FLNB: variants seen among roughly 807,000 people sequenced by gnomAD.
The protein encoded by FLNB is filamin B.
A neutral mutation model predicts 250.6 loss-of-function variants in FLNB; 111 were observed. That is an observed-to-expected ratio of 0.44 (90% CI 0.38 to 0.52). The LOEUF is 0.52. Ranked by LOEUF, FLNB falls within the 20% of genes least tolerant of loss-of-function variation. The pLI is 0.00. For missense variants in FLNB, 2,869 were observed against 3,447.8 expected (o/e 0.83, Z 4.20); for synonymous variants, 1,302 against 1,372.1 (o/e 0.95, Z 1.13).
intron 42 of FLNB, 47 bp from the exon 43 acceptor site, chr3:58,163,107 G>A (rs760455872): frequency 1.9e-6 from 3 of 1,585,812 alleles, no homozygotes; most frequent in Non-Finnish European, 2.6e-6. Flanking sequence ...GAACTCAGGG[G>A]TGTCCATTTG....
intron 1 of FLNB, among the ~76,000 whole-genome samples, chr3:58,067,604 G>T (rs1444922382): frequency 6.3e-4 from 86 of 137,010 alleles, no homozygotes; most frequent in African/African-American, 1.2e-3. Flanking sequence ...TTTTTTTTTT[G>T]TTTTTTTTTT....
chr3:58,056,102 TTTA>T (rs1258919762), intron 1 of FLNB, among the ~76,000 whole-genome samples: 12 of 130,308 alleles, frequency 9.2e-5, no homozygotes, highest in South Asian at 4.4e-4. Flanking sequence ...TATTTATTTA[TTTA>T]TTTTTTTTTT....
At chr3:58,134,847 T>A in intron 27 of FLNB, 75 bp downstream of exon 27, 1 of 1,382,810 alleles carries the variant, frequency 7.2e-7, no homozygotes, top group South Asian at 1.2e-5. Context: ...AGAACAAGGG[T>A]TTCAATAACC....
At chr3:58,021,550 T>G (rs1426102845) in intron 1 of FLNB, among the ~76,000 whole-genome samples, 2 of 152,066 alleles carry the variant, frequency 1.3e-5, no homozygotes, top group African/African-American at 2.4e-5. Flanking sequence ...ACATTCCTTA[T>G]CTCCACCAAA....
At chr3:58,156,858 G>T (rs1283804544) in intron 41 of FLNB, among the ~76,000 whole-genome samples, 1 of 152,074 alleles carries the variant, frequency 6.6e-6, no homozygotes. Flanking sequence ...CATCACACCC[G>T]GCTAATTTTT....
chr3:58,021,459 T>C (rs1277356383), intron 1 of FLNB, among the ~76,000 whole-genome samples: 2 of 152,078 alleles, frequency 1.3e-5, no homozygotes, highest in Admixed American at 6.5e-5. Flanking sequence ...CTTCTAGCCA[T>C]CTGGAGGCAG....
intron 4 of FLNB, among the ~76,000 whole-genome samples, chr3:58,085,274 A>G (rs575744198): frequency 1.3e-3 from 91 of 70,842 alleles, no homozygotes; most frequent in African/African-American, 6.7e-3. Context: ...TCTGCTTTTT[A>G]AAGTAGGAGA....
intron 38 of FLNB, among the ~76,000 whole-genome samples, chr3:58,151,546 T>C (rs934022096): frequency 6.6e-6 from 1 of 152,146 alleles, no homozygotes; most frequent in Non-Finnish European, 1.5e-5. Flanking sequence ...CCCATCCTCA[T>C]AGCCACGTCT....
intron 9 of FLNB, among the ~76,000 whole-genome samples, 195 bp downstream of exon 9, chr3:58,102,535 G>A (rs1389013734): frequency 6.6e-6 from 1 of 152,248 alleles, no homozygotes; most frequent in Non-Finnish European, 1.5e-5. Context: ...CGGCCAGTGG[G>A]TGGCTTGACA....
At position 58,100,373 on chromosome 3, in the gene FLNB, A is replaced by AAAATATATATATATATATAT; in HGVS notation, c.1345+1466_1345+1467insAATATATATATATATATATA. 3.7e-4 allele frequency among the ~76,000 whole-genome samples: 39 copies of AAAATATATATATATATATAT among 104,340 alleles called. 1 individual carries two copies. The highest frequency in any genetic ancestry group is 7.8e-4 in the African/African-American group (17 of 21,908). The allele number at this position is 104,340 out of a possible 152,430, so 68.5% of individuals were successfully genotyped here. A position where few individuals can be genotyped will look rare whatever the true frequency, so the allele number is the denominator to read the frequency against. On this transcript the variant is annotated intron_variant, in intron 8 of 45. Transcript: ENST00000295956. The stretch of plus-strand genomic sequence containing the variant: ...AATGATTTTACATATGTAAAAAAAA[A>AAAATATATATATATATATAT]ATATATATATATTTGCAGGGGCGCG...
chr3:58,061,918 C>T (rs980977255), intron 1 of FLNB, among the ~76,000 whole-genome samples: 1 of 151,814 alleles, frequency 6.6e-6, no homozygotes, highest in Non-Finnish European at 1.5e-5. Flanking sequence ...ATGGTGAAAC[C>T]CTGTCTCTAG....
At chr3:58,045,537 C>T (rs1221720731) in intron 1 of FLNB, among the ~76,000 whole-genome samples, 1 of 152,230 alleles carries the variant, frequency 6.6e-6, no homozygotes, top group African/African-American at 2.4e-5. Flanking sequence ...GACAATTCTT[C>T]TTCTTCCAGT....
chr3:58,010,688 TAAAG>T (rs1253078271), intron 1 of FLNB, among the ~76,000 whole-genome samples: 1 of 152,152 alleles, frequency 6.6e-6, no homozygotes, highest in Non-Finnish European at 1.5e-5. Context: ...TAAAGAAACT[TAAAG>T]TAAACCAGAA....
intron 33 of FLNB, 52 bp from the exon 34 acceptor site, chr3:58,146,768 A>G (rs2097336425): frequency 6.2e-7 from 1 of 1,603,594 alleles, no homozygotes; most frequent in Non-Finnish European, 8.5e-7. Context: ...GAAACTCTTA[A>G]AACAAGGCAA....
chr3:58,117,295 T>G (rs2097280073), intron 18 of FLNB, among the ~76,000 whole-genome samples: 1 of 152,134 alleles, frequency 6.6e-6, no homozygotes, highest in Admixed American at 6.5e-5. Context: ...CCCTCCCCCT[T>G]CTTAGGTTAT....
rs529616237 is a variant in FLNB, at chr3:58,136,881, G to A, written c.4861+713G>A. Among the ~76,000 whole-genome samples, 8 of 149,398 alleles carry A rather than the reference G, an allele frequency of 5.4e-5. No individual in the cohort carries two copies. The East Asian group carries it at 6.1e-4, about 11-fold the overall frequency. On this transcript the variant is annotated intron_variant, in intron 28 of 45. Coordinates refer to ENST00000295956, the MANE Select transcript of FLNB (RefSeq NM_001457.4). ...ACCACAGGTGCCCACGACCATGCCC[G>A]GCTAAGTTTTGTATTTTTAGTGGAT...
At chr3:58,139,643 G>A (rs2097323062) in intron 29 of FLNB, among the ~76,000 whole-genome samples, 1 of 152,186 alleles carries the variant, frequency 6.6e-6, no homozygotes, top group African/African-American at 2.4e-5. Flanking sequence ...GTCAACTTTT[G>A]ACATTGTTCA....
At chr3:58,091,181 G>C (rs1056855748) in intron 4 of FLNB, among the ~76,000 whole-genome samples, 1 of 152,132 alleles carries the variant, frequency 6.6e-6, no homozygotes, top group African/African-American at 2.4e-5. Flanking sequence ...AGTTTTTGCA[G>C]ATAGCAAGAT....
chr3:58,088,997 G>C (rs2097221827), intron 4 of FLNB, among the ~76,000 whole-genome samples: 1 of 151,994 alleles, frequency 6.6e-6, no homozygotes, highest in Non-Finnish European at 1.5e-5. Flanking sequence ...TAGTAACAAG[G>C]TGTGTACCCT....
Sources: gnomAD v4.1 joint callset for allele counts (sites outside exome capture counted in the v4.1 genomes callset) on GRCh38, gnomAD v4.1.1 for gene constraint, MANE v1.5 for transcripts, NCBI Gene and HGNC (gene_info 2026-07-23, HGNC 2026-07-21) for gene names.